Variants in TMEM232 observed in about 807,000 individuals in gnomAD.
The protein encoded by TMEM232 is transmembrane protein 232.
TMEM232 carries 80 observed loss-of-function variants against 78.8 expected under a neutral mutation model. The ratio of observed to expected loss-of-function variants is 1.01; its 90% CI spans 0.85 to 1.22. The LOEUF is 1.22. TMEM232 is among the 50% of genes most tolerant of loss of function. TMEM232 has a pLI of 0.00. For synonymous variants in TMEM232, 297 were observed against 254.3 expected, an observed-to-expected ratio of 1.17 and a Z score of -1.60; for missense variants, 881 against 742.2, an observed-to-expected ratio of 1.19 and a Z score of -2.17.
chr5:110,689,378 T>A (rs1332169684), intron 1 of TMEM232, among the ~76,000 whole-genome samples: 1 of 151,870 alleles, frequency 6.6e-6, no homozygotes, highest in Non-Finnish European at 1.5e-5. Context: ...AACTTTATAG[T>A]ACTAAATTTA....
intron 1 of TMEM232, among the ~76,000 whole-genome samples, chr5:110,722,960 T>C (rs1405870876): frequency 6.6e-6 from 1 of 152,210 alleles, no homozygotes; most frequent in Non-Finnish European, 1.5e-5. Context: ...GAGACTGGTC[T>C]GTAGTTTTCT....
chr5:110,696,710 G>C (rs1282809327), intron 1 of TMEM232, among the ~76,000 whole-genome samples: 2 of 152,120 alleles, frequency 1.3e-5, no homozygotes, highest in South Asian at 2.1e-4. Flanking sequence ...TTGCTTCAAA[G>C]AGAATAAAAT....
intron 1 of TMEM232, among the ~76,000 whole-genome samples, chr5:110,714,677 A>G (rs1796850857): frequency 6.6e-6 from 1 of 152,228 alleles, no homozygotes; most frequent in African/African-American, 2.4e-5. Flanking sequence ...TAGCACTACC[A>G]AATAGAATTC....
chr5:110,667,116 T>C, intron 2 of TMEM232, 112 bp downstream of exon 2: 1 of 902,150 alleles, frequency 1.1e-6, no homozygotes, highest in Non-Finnish European at 1.6e-6. Flanking sequence ...TAGTAAACTT[T>C]AAAATTTTAA....
intron 10 of TMEM232, among the ~76,000 whole-genome samples, chr5:110,591,638 T>C (rs1779547043): frequency 6.6e-6 from 1 of 152,142 alleles, no homozygotes; most frequent in South Asian, 2.1e-4. Flanking sequence ...TCCTATCCCA[T>C]GGACAGTATT....
rs1222335413 is a variant in TMEM232, at chr5:110,642,349, C to A, written c.148G>T (p.Glu50Ter). Residue 50 changes from glutamate (E) to a stop codon, truncating the protein, a stop_gained, in exon 3 of 14, where the codon GAA becomes TAA. Transcript: ENST00000455884. LOFTEE classifies it high-confidence loss of function. ...KSRPTFSITK[E>*]FILRFNQTQN... ...GTTTGATTGAATCTCAAGATGAATT[C>A]TTTTGTGATTGAAAATGTTGGCCTA... The A allele has an allele frequency of 2.6e-6, 4 of 1,523,250 alleles. No individual in the cohort carries two copies. Among genetic ancestry groups the A allele is most frequent in the Non-Finnish European group, 2.6e-6 (3 of 1,136,750 alleles). The allele number at this position is 1,523,250 out of a possible 1,614,324, so 94.4% of individuals were successfully genotyped here.
chr5:110,531,175 CT>C (rs1561638861), intron 11 of TMEM232, among the ~76,000 whole-genome samples: 1 of 152,004 alleles, frequency 6.6e-6, no homozygotes, highest in East Asian at 1.9e-4. Context: ...AACAACCCCC[CT>C]TTTTCCTTTA....
At chr5:110,476,392 C>G (rs1423296000) in intron 12 of TMEM232, among the ~76,000 whole-genome samples, 1 of 151,874 alleles carries the variant, frequency 6.6e-6, no homozygotes, top group Non-Finnish European at 1.5e-5. Flanking sequence ...TTTTACAAGT[C>G]AAAGAAAAGG....
At chr5:110,453,886 C>T (rs1242888890) in intron 12 of TMEM232, among the ~76,000 whole-genome samples, 4 of 147,250 alleles carry the variant, frequency 2.7e-5, no homozygotes, top group Non-Finnish European at 4.5e-5. Flanking sequence ...GTGATATAGA[C>T]AAGGAATATT....
chr5:110,577,990 A>G (rs1399430604), intron 10 of TMEM232, among the ~76,000 whole-genome samples: 1 of 152,006 alleles, frequency 6.6e-6, no homozygotes, highest in Non-Finnish European at 1.5e-5. Context: ...ACACAAGTTT[A>G]CCTATGTAAC....
chr5:110,676,731 TTTTATTTATTTATTTA>T (rs146657284), intron 1 of TMEM232, among the ~76,000 whole-genome samples: 23 of 139,310 alleles, frequency 1.7e-4, no homozygotes, highest in East Asian at 8.4e-4. Flanking sequence ...ACCCTTCATC[TTTTATTTATTTATTTA>T]TTTATTTATT....
chr5:110,498,459 T>G (rs1182355799), intron 12 of TMEM232, among the ~76,000 whole-genome samples: 2 of 152,102 alleles, frequency 1.3e-5, no homozygotes, highest in East Asian at 3.9e-4. Context: ...TTCCCAATTC[T>G]AGTACCAAGA....
Position 110,420,051 on chromosome 5 carries a change from A to T in TMEM232, c.*529T>A, listed in dbSNP as rs1436184796. 1 of 152,266 alleles carries T rather than the reference A, an allele frequency of 6.6e-6. No homozygotes were observed. Among genetic ancestry groups the T allele is most frequent in the Non-Finnish European group, 1.5e-5 (1 of 68,132 alleles). The allele number at this position is 152,266 out of a possible 1,614,324, so 9.4% of individuals were successfully genotyped here. On this transcript the variant is annotated 3_prime_UTR_variant, in exon 14 of 14. Transcript: ENST00000455884. ...TAAGATGACCAGCCCTCCCAGATTC[A>T]AATCTCTGAAATAGGGTTTGTTTGG...
chr5:110,500,226 T>G (rs976427142), intron 12 of TMEM232, among the ~76,000 whole-genome samples: 1 of 146,630 alleles, frequency 6.8e-6, no homozygotes, highest in Non-Finnish European at 1.5e-5. Flanking sequence ...CAGGTGGAGG[T>G]TGCAGTGAGC....
At chr5:110,623,252 A>C (rs1469127214) in intron 7 of TMEM232, among the ~76,000 whole-genome samples, 1 of 151,386 alleles carries the variant, frequency 6.6e-6, no homozygotes, top group Non-Finnish European at 1.5e-5. Context: ...ATGTATCCTA[A>C]TGTATCGTAA....
intron 11 of TMEM232, among the ~76,000 whole-genome samples, chr5:110,554,829 T>C (rs966427822): frequency 1.3e-5 from 2 of 152,184 alleles, no homozygotes; most frequent in Admixed American, 6.6e-5. Flanking sequence ...ACTGATTCAA[T>C]TTCATAACTT....
In TMEM232 at chr5:110,669,337, G is replaced by A. The variant is rs564454250; in HGVS notation, c.-12-1973C>T. Reference sequence around the variant, plus strand: ...CACAGAAATACAAACTACCATCAGAGAATACTATAAACACCTCTATGCAAA... The same window carrying A: ...CACAGAAATACAAACTACCATCAGAAAATACTATAAACACCTCTATGCAAA... On this transcript the variant is annotated intron_variant, in intron 1 of 13. Transcript: ENST00000455884. Among the ~76,000 whole-genome samples the A allele has an allele frequency of 4.5e-3, 690 of 152,252 alleles. 6 individuals are homozygous for A. The highest frequency in any genetic ancestry group is 0.016 in the African/African-American group (653 of 41,524).
chr5:110,543,340 T>C (rs1037918970), intron 11 of TMEM232, among the ~76,000 whole-genome samples: 7 of 152,190 alleles, frequency 4.6e-5, no homozygotes, highest in Non-Finnish European at 1.0e-4. Flanking sequence ...CCTTCATTGA[T>C]GTCCGTGCCC....
chr5:110,568,968 C>T (rs995252378), intron 10 of TMEM232, among the ~76,000 whole-genome samples: 1 of 151,788 alleles, frequency 6.6e-6, no homozygotes, highest in Non-Finnish European at 1.5e-5. Context: ...AATATGAACA[C>T]AGGCCACCAT....
Sources: allele counts gnomAD v4.1 joint callset (sites outside exome capture counted in the v4.1 genomes callset), GRCh38; gene constraint gnomAD v4.1.1; transcripts MANE v1.5; gene names NCBI Gene and HGNC (gene_info 2026-07-23, HGNC 2026-07-21).